ZNF83: variants seen among roughly 807,000 people sequenced by gnomAD.
ZNF83 encodes zinc finger protein 83.
For synonymous variants in ZNF83, 209 were observed against 213.0 expected (o/e 0.98, Z 0.17); for missense variants, 552 against 629.9 (o/e 0.88, Z 1.32).
chr19:52,672,800 G>A (rs867263368), intron 1 of ZNF83, among the ~76,000 whole-genome samples: 27 of 152,120 alleles, frequency 1.8e-4, no homozygotes, highest in Admixed American at 7.9e-4. Flanking sequence ...GGGTTTCACC[G>A]TGTTGGCCAG....
At chr19:52,653,962 T>C in intron 3 of ZNF83, 1 of 1,292,490 alleles carries the variant, frequency 7.7e-7, no homozygotes. Context: ...ATGGAGAAAG[T>C]TCTTCCCATA....
At chr19:52,653,843 C>G (rs4287691) in intron 3 of ZNF83, among the ~76,000 whole-genome samples, 2 of 152,080 alleles carry the variant, frequency 1.3e-5, no homozygotes, top group African/African-American at 4.8e-5. Context: ...GAATGGGTTA[C>G]ATGATGTCTT....
At chr19:52,687,313 CCGTTTTA>C (rs1199188395) in intron 1 of ZNF83, among the ~76,000 whole-genome samples, 2 of 136,868 alleles carry the variant, frequency 1.5e-5, no homozygotes, top group Non-Finnish European at 3.1e-5. Flanking sequence ...ATTTAAAACC[CCGTTTTA>C]CAATTATATA....
intron 3 of ZNF83, among the ~76,000 whole-genome samples, chr19:52,648,644 C>A (rs1292583976): frequency 1.3e-5 from 2 of 152,162 alleles, no homozygotes; most frequent in Non-Finnish European, 2.9e-5. Context: ...ATACTGTAAT[C>A]TTGTTCAGTC....
intron 1 of ZNF83, among the ~76,000 whole-genome samples, chr19:52,680,833 C>T (rs1293078097): frequency 6.7e-6 from 1 of 150,252 alleles, no homozygotes; most frequent in Non-Finnish European, 1.5e-5. Context: ...AGGATGGTCT[C>T]GATCTCCTGA....
At chr19:52,671,425 A>T (rs1445067398) in intron 1 of ZNF83, among the ~76,000 whole-genome samples, 1 of 151,730 alleles carries the variant, frequency 6.6e-6, no homozygotes, top group Non-Finnish European at 1.5e-5. Flanking sequence ...TAGAAAATGT[A>T]CCTTTTATCT....
At chr19:52,642,784 G>C (rs139685395), upstream of ZNF83, among the ~76,000 whole-genome samples, 887 of 152,288 alleles carry the variant, frequency 5.8e-3, 5 homozygotes, top group Non-Finnish European at 6.4e-3. Context: ...TACTTAGGAA[G>C]ATGAGGTGGG....
At chr19:52,686,969 G>A (rs1174433341) in intron 1 of ZNF83, among the ~76,000 whole-genome samples, 2 of 151,842 alleles carry the variant, frequency 1.3e-5, no homozygotes, top group Non-Finnish European at 2.9e-5. Flanking sequence ...ATCACCTGAG[G>A]TCAGGAGTTT....
In ZNF83 at chr19:52,647,792, C is replaced by T. The variant is rs145443785; in HGVS notation, c.-74+7769G>A. Reference sequence around the variant, plus strand: ...CTTGGAACTTATATAACCTCTTGTTCCTCCTTCTCCCCAGTCTTTCAATCA... The same window carrying T: ...CTTGGAACTTATATAACCTCTTGTTTCTCCTTCTCCCCAGTCTTTCAATCA... On this transcript the variant is annotated intron_variant, in intron 3 of 5. Coordinates refer to the ZNF83 transcript ENST00000594682. 3.7e-3 allele frequency among the ~76,000 whole-genome samples: 560 copies of T among 151,700 alleles called. 1 individual carries two copies. The highest frequency in any genetic ancestry group is 5.8e-3 in the Non-Finnish European group (397 of 67,928).
chr19:52,638,708 T>A (rs1435496808), upstream of ZNF83, among the ~76,000 whole-genome samples: 3 of 152,356 alleles, frequency 2.0e-5, no homozygotes, highest in Non-Finnish European at 4.4e-5. Context: ...CCTCTCCCTT[T>A]CTATTCTCCA....
intron 1 of ZNF83, among the ~76,000 whole-genome samples, chr19:52,677,004 T>A (rs4471807): frequency 0.22 from 30,970 of 143,550 alleles, 3,533 homozygotes; most frequent in Non-Finnish European, 0.24. Context: ...GGCCGCAGGG[T>A]CCTCTGCCTA....
At chr19:52,649,300 G>T (rs752324807) in intron 3 of ZNF83, among the ~76,000 whole-genome samples, 13 of 152,138 alleles carry the variant, frequency 8.5e-5, no homozygotes, top group Non-Finnish European at 1.9e-4. Flanking sequence ...GCAGGCTGGT[G>T]GCTTTGCAGC....
At chr19:52,680,374 A>G (rs1478393073) in intron 1 of ZNF83, among the ~76,000 whole-genome samples, 1 of 151,836 alleles carries the variant, frequency 6.6e-6, no homozygotes, top group African/African-American at 2.4e-5. Flanking sequence ...AGGCATTTCC[A>G]CTCCTCCAAA....
chr19:52,668,129 C>T (rs117796503), intron 1 of ZNF83, among the ~76,000 whole-genome samples: 185 of 152,236 alleles, frequency 1.2e-3, no homozygotes, highest in Non-Finnish European at 2.3e-3. Context: ...TCAGCACAGG[C>T]GCCAGCTTCG....
chr19:52,648,829 A>G (rs952182860), intron 3 of ZNF83, among the ~76,000 whole-genome samples: 1 of 152,152 alleles, frequency 6.6e-6, no homozygotes, highest in Non-Finnish European at 1.5e-5. Flanking sequence ...GAGTCTGACC[A>G]GTCTATGCAC....
At chr19:52,675,165 A>G (rs1456276591) in intron 1 of ZNF83, among the ~76,000 whole-genome samples, 4 of 152,228 alleles carry the variant, frequency 2.6e-5, no homozygotes, top group African/African-American at 9.6e-5. Context: ...ACTTGAAGCC[A>G]TCTAATAGCA....
At chr19:52,685,691 G>A (rs1221348125) in intron 1 of ZNF83, among the ~76,000 whole-genome samples, 4 of 152,046 alleles carry the variant, frequency 2.6e-5, no homozygotes, top group African/African-American at 9.7e-5. Context: ...GAGGTCAGGA[G>A]CTCGAGACCA....
chr19:52,655,556 C>T (rs963756245), intron 3 of ZNF83: 5 of 1,492,390 alleles, frequency 3.4e-6, no homozygotes, highest in Non-Finnish European at 4.7e-6. Context: ...GGACATTTTC[C>T]TCACCCACAG....
chr19:52,656,372 A>T (rs35424224), intron 2 of ZNF83, among the ~76,000 whole-genome samples: 9,937 of 151,958 alleles, frequency 0.065, 423 homozygotes, highest in Middle Eastern at 0.11. Flanking sequence ...AAATAGAAAA[A>T]TTAGCTGGGC....
Sources: gnomAD v4.1 joint callset for allele counts (sites outside exome capture counted in the v4.1 genomes callset) on GRCh38, gnomAD v4.1.1 for gene constraint, MANE v1.5 for transcripts, NCBI Gene and HGNC (gene_info 2026-07-23, HGNC 2026-07-21) for gene names.